The following AXIN1 variants were observed in gnomAD, a reference collection of about 807,000 sequenced individuals.
The protein encoded by AXIN1 is axin 1.
Under a neutral mutation model 76.4 loss-of-function variants are expected in AXIN1, and 30 were observed. The observed-to-expected ratio is 0.39, with a 90% confidence interval of 0.29 to 0.53. AXIN1 has a LOEUF of 0.53. Ranked by LOEUF, AXIN1 falls within the 20% of genes least tolerant of loss-of-function variation. The pLI is 0.66. For synonymous variants in AXIN1, 545 were observed against 501.4 expected (o/e 1.09, Z -1.16); for missense variants, 1,140 against 1,198.8 (o/e 0.95, Z 0.72).
At chr16:308,773 G>A (rs6600211) in intron 4 of AXIN1, among the ~76,000 whole-genome samples, 75,754 of 152,046 alleles carry the variant, frequency 0.5, 19,533 homozygotes, top group South Asian at 0.66. Context: ...ACAGCCTACA[G>A]TGTCAGCCAC....
chr16:329,522 T>C (rs2053650405), intron 2 of AXIN1, among the ~76,000 whole-genome samples: 1 of 152,254 alleles, frequency 6.6e-6, no homozygotes, highest in Non-Finnish European at 1.5e-5. Context: ...CTTGGCTCAA[T>C]GCATCCTCCG....
At position 293,391 on chromosome 16, in the gene AXIN1, T is replaced by G; in HGVS notation, c.2186+97A>C. 2.3e-6 allele frequency: 3 copies of G among 1,286,866 alleles called. No homozygotes were observed. The highest frequency in any genetic ancestry group is 2.2e-6 in the Non-Finnish European group (2 of 920,202). 79.7% of individuals were successfully genotyped at this position (1,286,866 alleles called of 1,614,324 possible). On this transcript the variant is annotated intron_variant, in intron 8 of 10. Transcript: ENST00000262320. This position sits in a 1 kb window ranked among gnomAD's most constrained non-coding sequence, Gnocchi z 4.6. ...GGCTGGGGGACACCCAGAGGGCCGT[T>G]TTTCCCCTGAAGACCTCAGGCCTCG...
chr16:341,113 A>G (rs1420739088), intron 2 of AXIN1, among the ~76,000 whole-genome samples: 2 of 152,250 alleles, frequency 1.3e-5, no homozygotes, highest in Non-Finnish European at 2.9e-5. Flanking sequence ...GGCAGTCCTC[A>G]CAGCCCTCGC....
intron 5 of AXIN1, among the ~76,000 whole-genome samples, chr16:300,864 C>T (rs1318546185): frequency 6.6e-6 from 1 of 152,164 alleles, no homozygotes; most frequent in Non-Finnish European, 1.5e-5. Flanking sequence ...GGCCGAGCTC[C>T]ACATCGGCAG....
chr16:317,109 G>A (rs543428607), intron 2 of AXIN1, among the ~76,000 whole-genome samples: 25 of 152,308 alleles, frequency 1.6e-4, no homozygotes, highest in African/African-American at 5.5e-4. Context: ...TCCACCTGAT[G>A]AACAGAACCT....
In AXIN1 at chr16:346,363, A is replaced by G. The variant is rs2054034351; in HGVS notation, c.663T>C (p.Cys221=). 6.2e-7 allele frequency: 1 copy of G among 1,614,064 alleles called. No homozygotes were observed. Among genetic ancestry groups the G allele is most frequent in the Admixed American group, 1.7e-5 (1 of 60,010 alleles). ...TCCCTGACCCAGAGCTCTGGTCACT[A>G]CAGACTTTGGGGCTCTCCGAGCCTG... The part of the protein sequence containing the change: ...TRTGSESPKV[C]SDQSSGSGTG... The change falls in exon 2 of 11, where the codon TGT becomes TGC. Residue 221 remains cysteine, a synonymous_variant. Coordinates refer to ENST00000262320, the MANE Select transcript of AXIN1 (RefSeq NM_003502.4).
At chr16:308,074 G>A (rs1438349959) in intron 4 of AXIN1, among the ~76,000 whole-genome samples, 4 of 152,172 alleles carry the variant, frequency 2.6e-5, no homozygotes, top group African/African-American at 7.2e-5. Flanking sequence ...ACACAGAAAC[G>A]CACACTGCGG....
chr16:291,669 C>T (rs147520105), intron 8 of AXIN1: 37 of 362,530 alleles, frequency 1.0e-4, no homozygotes, highest in Admixed American at 2.0e-4. Context: ...CCACCGATAG[C>T]GTGGACACTG....
rs1200419610 is a variant in AXIN1 at position 307,222 on chromosome 16, G to C, written c.1116+2751C>G. ...AGGCCCAGAGAGCAGCACGGCTGAGGGGCCAACAGGAGCACTCATGCCGCC... is the reference window on the plus strand; with the variant it reads ...AGGCCCAGAGAGCAGCACGGCTGAGCGGCCAACAGGAGCACTCATGCCGCC... On this transcript the variant is annotated intron_variant, in intron 4 of 10. Transcript: ENST00000262320. Among the ~76,000 whole-genome samples the C allele has an allele frequency of 2.0e-5, 3 of 152,224 alleles. No individual in the cohort carries two copies. The East Asian group carries it at 5.8e-4, about 29-fold the overall frequency.
In AXIN1 at chr16:317,581, G is replaced by C. The variant is rs969096436; in HGVS notation, c.879-2898C>G. 2.6e-5 allele frequency among the ~76,000 whole-genome samples: 4 copies of C among 152,214 alleles called. No homozygotes were observed. In the East Asian group the frequency reaches 7.7e-4, roughly 29 times the overall value. On this transcript the variant is annotated intron_variant, in intron 2 of 10. Coordinates refer to ENST00000262320, the MANE Select transcript of AXIN1 (RefSeq NM_003502.4). ...CAGCCTCAGGCTGACAGCAACCATG[G>C]GGCCGCTCTTGGGAAATGGGTTCTC...
chr16:320,662 T>C lies in AXIN1; in HGVS notation c.879-5979A>G, dbSNP rs150311779. On this transcript the variant is annotated intron_variant, in intron 2 of 10. Transcript: ENST00000262320. The stretch of plus-strand genomic sequence containing the variant: ...AAAATTAAAAACAAATATATATGTA[T>C]ATATGTAAATGTATATATGTGTGTA... Among the ~76,000 whole-genome samples, 104 of 150,578 alleles carry C rather than the reference T, an allele frequency of 6.9e-4. No homozygotes were observed. In the East Asian group the frequency reaches 0.019, roughly 27 times the overall value.
chr16:313,627 T>C lies in AXIN1; in HGVS notation c.1019+916A>G, dbSNP rs559990976. Among the ~76,000 whole-genome samples, 522 of 152,230 alleles carry C rather than the reference T, an allele frequency of 3.4e-3. 6 individuals are homozygous for C. The highest frequency in any genetic ancestry group is 8.3e-3 in the Admixed American group (127 of 15,294). ...CCCCAGCCCTGGCTAGGATGGCTGG[T>C]GGGCAGGTGGCGTGTGGCGCACAGA... On this transcript the variant is annotated intron_variant, in intron 3 of 10. Coordinates refer to ENST00000262320, the MANE Select transcript of AXIN1 (RefSeq NM_003502.4).
intron 2 of AXIN1, among the ~76,000 whole-genome samples, chr16:322,181 T>C (rs2141623561): frequency 6.6e-6 from 1 of 152,224 alleles, no homozygotes; most frequent in Admixed American, 6.5e-5. Context: ...GCTGGGTGCT[T>C]CTCCCAGGCC....
chr16:334,492 C>T (rs185378253), intron 2 of AXIN1, among the ~76,000 whole-genome samples: 56 of 151,276 alleles, frequency 3.7e-4, no homozygotes, highest in African/African-American at 1.3e-3. Flanking sequence ...GCTAATTACA[C>T]AGCACCCAGT....
At chr16:305,981 G>A (rs1364608457) in intron 4 of AXIN1, among the ~76,000 whole-genome samples, 1 of 152,124 alleles carries the variant, frequency 6.6e-6, no homozygotes, top group Non-Finnish European at 1.5e-5. Context: ...ACTTTCAAGG[G>A]TACTTCATTT....
rs2052622819 is a variant in AXIN1 at position 293,413 on chromosome 16, C to A, written c.2186+75G>T. ...CGTTTTTCCCCTGAAGACCTCAGGC[C>A]TCGGGGAGCTTCAGCCCCAGGAGTG... On this transcript the variant is annotated intron_variant, in intron 8 of 10. Transcript: ENST00000262320. The surrounding 1 kb of genome is among the most constrained non-coding windows in gnomAD (Gnocchi z 4.6). The A allele has an allele frequency of 3.4e-6, 5 of 1,471,216 alleles. No homozygotes were observed. The highest frequency in any genetic ancestry group is 4.7e-6 in the Non-Finnish European group (5 of 1,072,110). The allele number at this position is 1,471,216 out of a possible 1,614,324, so 91.1% of individuals were successfully genotyped here. A position where few individuals can be genotyped will look rare whatever the true frequency, so the allele number is the denominator to read the frequency against.
At chr16:341,782 T>C (rs963318055) in intron 2 of AXIN1, among the ~76,000 whole-genome samples, 2 of 152,234 alleles carry the variant, frequency 1.3e-5, no homozygotes, top group African/African-American at 2.4e-5. Flanking sequence ...ACTCTGTATC[T>C]AGCACAAGGT....
intron 2 of AXIN1, among the ~76,000 whole-genome samples, chr16:321,598 A>G (rs2053458034): frequency 6.6e-6 from 1 of 152,174 alleles, no homozygotes. Context: ...GTGGATTCCA[A>G]CCCACGAAGG....
rs575240676 is a variant in AXIN1 at position 314,387 on chromosome 16, G to A, written c.1019+156C>T. Among the ~76,000 whole-genome samples, 10 of 152,356 alleles carry A rather than the reference G, an allele frequency of 6.6e-5. 1 individual carries two copies. Among genetic ancestry groups the A allele is most frequent in the East Asian group, 1.9e-4 (1 of 5,190 alleles). On this transcript the variant is annotated intron_variant, in intron 3 of 10. Transcript: ENST00000262320. ...ACGAAGCCCCCTCTGAGCTGGCCGC[G>A]CTCTGCAGCAGGGTGGGACTTACAC... is the stretch of plus-strand genomic sequence containing the variant.
Sources: gnomAD v4.1 joint callset for allele counts (sites outside exome capture counted in the v4.1 genomes callset) on GRCh38, gnomAD v4.1.1 for gene constraint, Gnocchi (gnomAD v3.1) non-coding constraint, MANE v1.5 for transcripts, NCBI Gene and HGNC (gene_info 2026-07-23, HGNC 2026-07-21) for gene names.